PC: variants seen among roughly 807,000 people sequenced by gnomAD.
The protein encoded by PC is pyruvate carboxylase.
Under a neutral mutation model 107.8 loss-of-function variants are expected in PC, and 46 were observed. The observed-to-expected ratio is 0.43, with a 90% CI of 0.34 to 0.55. The LOEUF (loss-of-function observed/expected upper bound fraction) is 0.55, where lower values mean the gene tolerates loss of function less well. Among genes scored for constraint, PC ranks in the 20% least tolerant of loss-of-function variants. The pLI is 0.04. For synonymous variants in PC, 662 were observed against 684.7 expected, an observed-to-expected ratio of 0.97 and a Z score of 0.52; for missense variants, 1,241 against 1,643.1, an observed-to-expected ratio of 0.76 and a Z score of 4.23.
At chr11:66,881,284 A>C (rs1403684679) in intron 3 of PC, among the ~76,000 whole-genome samples, 1 of 152,244 alleles carries the variant, frequency 6.6e-6, no homozygotes, top group Non-Finnish European at 1.5e-5. Flanking sequence ...CGGGTTGTGC[A>C]TAAGAGACCA....
Position 66,858,436 on chromosome 11 carries a change from T to A in PC, c.1369-5053A>T, listed in dbSNP as rs1177394951. The A allele has an allele frequency of 1.3e-6, 2 of 1,552,986 alleles. No homozygotes were observed. The highest frequency in any genetic ancestry group is 8.7e-7 in the Non-Finnish European group (1 of 1,155,532). Reference sequence around the variant, plus strand: ...TCTCCCGCCCCCCTGGTGCTGAGCTTTAGCGGGAACCCCCTGCACTGCAAC... The same window carrying A: ...TCTCCCGCCCCCCTGGTGCTGAGCTATAGCGGGAACCCCCTGCACTGCAAC... On this transcript the variant is annotated intron_variant, in intron 12 of 22. Transcript: ENST00000393960. The surrounding 1 kb of genome is among the most constrained non-coding windows in gnomAD (Gnocchi z 5.9).
At chr11:66,945,927 A>C (rs1339172855) in intron 3 of PC, among the ~76,000 whole-genome samples, 1 of 150,030 alleles carries the variant, frequency 6.7e-6, no homozygotes, top group Non-Finnish European at 1.5e-5. Flanking sequence ...TCTACTAAAA[A>C]TACAAAAAAT....
At position 66,860,104 on chromosome 11, in the gene PC, G is replaced by A. The variant is rs756075388; in HGVS notation, c.1368+3670C>T. 3.0e-5 allele frequency: 46 copies of A among 1,551,634 alleles called. No homozygotes were observed. The East Asian group carries it at 9.5e-4, about 32-fold the overall frequency. ...AGGCGCCTGGGAGGAGCTTGGGCCC[G>A]ACGGAGCCACTCTGTGCATGGGGGG... On this transcript the variant is annotated intron_variant, in intron 12 of 22. Transcript: ENST00000393960.
rs75731390 is a variant in PC at position 66,863,372 on chromosome 11, A to C, written c.1368+402T>G. Among the ~76,000 whole-genome samples, 1,356 of 152,324 alleles carry C rather than the reference A, an allele frequency of 8.9e-3. 22 individuals are homozygous for C. The highest frequency in any genetic ancestry group is 0.03 in the African/African-American group (1,262 of 41,566). On this transcript the variant is annotated intron_variant, in intron 12 of 22. Coordinates refer to ENST00000393960, the MANE Select transcript of PC (RefSeq NM_001040716.2). ...AAAGAATTATCTGGAGAACTTGTTC[A>C]AAACACAGGTTCTGGCGCCTCTACC...
chr11:66,917,794 G>A (rs1749135488), intron 3 of PC, among the ~76,000 whole-genome samples: 2 of 152,198 alleles, frequency 1.3e-5, no homozygotes, highest in South Asian at 4.1e-4. Context: ...CTGAACTTGG[G>A]TTACCTGGGG....
chr11:66,947,030 T>C (rs1035996606), intron 3 of PC, among the ~76,000 whole-genome samples: 2 of 152,122 alleles, frequency 1.3e-5, no homozygotes, highest in African/African-American at 2.4e-5. Flanking sequence ...GGAACTCTCA[T>C]ACACAGCTGG....
In PC at chr11:66,849,348, G is replaced by A. The variant is rs148661980; in HGVS notation, c.3170C>T (p.Thr1057Met). 3.1e-4 allele frequency: 492 copies of A among 1,613,020 alleles called. No homozygotes were observed. The highest frequency in any genetic ancestry group is 3.9e-4 in the Non-Finnish European group (460 of 1,180,042). ...CACGGCCAGGGCTTTGATGTGCAGCGTCTTGCCCCGCTCCAGCTCCACCTG... is the reference window on the plus strand; with the variant it reads ...CACGGCCAGGGCTTTGATGTGCAGCATCTTGCCCCGCTCCAGCTCCACCTG... ...EFEVELERGK[T>M]LHIKALAVSD... The change falls in exon 22 of 23, where the codon ACG becomes ATG. Residue 1057 changes from threonine (T) to methionine (M), a missense_variant. By Grantham distance (81) the Thr-to-Met change is moderately conservative. Around this residue, in one of 2 missense-constraint regions of PC, gnomAD observed 1,143 missense variants for 1,551.9 expected, o/e 0.74. Coordinates refer to ENST00000393960, the MANE Select transcript of PC (RefSeq NM_001040716.2).
intron 3 of PC, among the ~76,000 whole-genome samples, chr11:66,931,574 C>A (rs1156998566): frequency 2.3e-5 from 3 of 131,058 alleles, no homozygotes; most frequent in African/African-American, 8.6e-5. Flanking sequence ...TTGCAATAAA[C>A]AAATGGCAAA....
intron 21 of PC, 100 bp from the exon 22 acceptor site, chr11:66,849,470 C>G: frequency 6.2e-7 from 1 of 1,602,528 alleles, no homozygotes; most frequent in South Asian, 1.1e-5. Context: ...CTTGGCTCCT[C>G]GTTCCTAAAG....
chr11:66,913,224 T>G (rs879311909), intron 3 of PC, among the ~76,000 whole-genome samples: 1 of 151,180 alleles, frequency 6.6e-6, no homozygotes, highest in Non-Finnish European at 1.5e-5. Flanking sequence ...GGCGCAGAGC[T>G]GCTAAGCAGA....
chr11:66,884,167 G>A (rs1004999450), intron 3 of PC, among the ~76,000 whole-genome samples: 2 of 151,720 alleles, frequency 1.3e-5, no homozygotes, highest in African/African-American at 4.8e-5. Context: ...TCGCTTGAAC[G>A]TGGGAGGCAG....
intron 12 of PC, 69 bp from the exon 13 acceptor site, chr11:66,853,452 C>T: frequency 1.3e-6 from 2 of 1,588,990 alleles, no homozygotes; most frequent in Non-Finnish European, 8.6e-7. Flanking sequence ...GGAGAAAAGG[C>T]TGAAAGAGAA....
chr11:66,869,116 C>G, intron 9 of PC, 152 bp from the exon 10 acceptor site: 2 of 637,912 alleles, frequency 3.1e-6, no homozygotes. Flanking sequence ...GCAGACAGAC[C>G]CCAGGGCCCA....
In PC at chr11:66,851,194, A is replaced by G. The variant is rs776383122; in HGVS notation, c.2069T>C (p.Met690Thr). The part of the protein sequence containing the change: ...LNYLPNMLLG[M>T]EAAGSAGGVV... Reference sequence around the variant, plus strand: ...GCCTCCGGCACTTCCTGCCGCCTCCATGCCCAGCAGCATGTTGGGCAAGTA... The same window carrying G: ...GCCTCCGGCACTTCCTGCCGCCTCCGTGCCCAGCAGCATGTTGGGCAAGTA... Residue 690 changes from methionine (M) to threonine (T), a missense_variant, in exon 17 of 23, where the codon ATG becomes ACG. Physicochemically the swap from Met to Thr is moderately conservative, Grantham distance 81. Around this residue, in one of 2 missense-constraint regions of PC, gnomAD observed 1,143 missense variants for 1,551.9 expected, o/e 0.74. Transcript: ENST00000393960. 4 of 1,610,520 alleles carry G rather than the reference A, an allele frequency of 2.5e-6. No individual in the cohort carries two copies. Among genetic ancestry groups the G allele is most frequent in the Non-Finnish European group, 3.4e-6 (4 of 1,179,994 alleles).
At chr11:66,937,569 A>T (rs1003373363) in intron 3 of PC, among the ~76,000 whole-genome samples, 3 of 151,802 alleles carry the variant, frequency 2.0e-5, no homozygotes, top group Non-Finnish European at 4.4e-5. Flanking sequence ...GACTCTCATG[A>T]TGCATATGTT....
Position 66,930,186 on chromosome 11 carries a change from A to G in PC, c.-1+22244T>C, listed in dbSNP as rs372278966. Among the ~76,000 whole-genome samples the G allele has an allele frequency of 6.3e-4, 89 of 141,880 alleles. 1 individual carries two copies. Among genetic ancestry groups the G allele is most frequent in the Non-Finnish European group, 9.4e-4 (64 of 67,922 alleles). The allele number at this position is 141,880 out of a possible 152,430, so 93.1% of individuals were successfully genotyped here. A position where few individuals can be genotyped will look rare whatever the true frequency, so the allele number is the denominator to read the frequency against. The stretch of plus-strand genomic sequence containing the variant: ...AATCCTTGGCAGGTAGAAAAACAAA[A>G]GCAGGTAGAAAAACAAAAAACTCCC... On this transcript the variant is annotated intron_variant, in intron 3 of 22. Coordinates refer to ENST00000393960, the MANE Select transcript of PC (RefSeq NM_001040716.2).
chr11:66,866,799 T>C lies in PC; in HGVS notation c.1023-450A>G, dbSNP rs1946518974. ...AGCACATTCTTGGGGCCATATGTGC[T>C]ATGCTGTGTGGGTGGTTGTGAGGGG... On this transcript the variant is annotated intron_variant, in intron 10 of 22. Transcript: ENST00000393960. The surrounding 1 kb of genome is among the most constrained non-coding windows in gnomAD (Gnocchi z 5.4). 6.6e-6 allele frequency among the ~76,000 whole-genome samples: 1 copy of C among 152,186 alleles called. No homozygotes were observed. The highest frequency in any genetic ancestry group is 6.5e-5 in the Admixed American group (1 of 15,278).
chr11:66,883,797 G>C (rs1169841356), intron 3 of PC, among the ~76,000 whole-genome samples: 1 of 152,144 alleles, frequency 6.6e-6, no homozygotes, highest in East Asian at 1.9e-4. Flanking sequence ...AGGCTGTTAA[G>C]ATTCACCGTG....
At chr11:66,906,379 G>A (rs1406607365) in intron 3 of PC, among the ~76,000 whole-genome samples, 4 of 152,070 alleles carry the variant, frequency 2.6e-5, no homozygotes, top group Non-Finnish European at 2.9e-5. Flanking sequence ...CATCCTGATC[G>A]GTAAGTACTG....
Sources: allele counts gnomAD v4.1 joint callset (sites outside exome capture counted in the v4.1 genomes callset), GRCh38; gene constraint gnomAD v4.1.1; regional missense constraint gnomAD v4.1.1; non-coding constraint Gnocchi (gnomAD v3.1); transcripts MANE v1.5; gene names NCBI Gene and HGNC (gene_info 2026-07-23, HGNC 2026-07-21).